Variants in CNTNAP2 observed in about 807,000 individuals in gnomAD.
The protein encoded by CNTNAP2 is contactin-associated protein-like 2.
A neutral mutation model predicts 155.2 loss-of-function variants in CNTNAP2; 98 were observed. The observed-to-expected ratio is 0.63, with a 90% CI of 0.54 to 0.75. CNTNAP2 has a LOEUF of 0.75. Among genes scored for constraint, CNTNAP2 ranks in the 30% least tolerant of loss-of-function variants. CNTNAP2 has a pLI of 0.00. For synonymous variants in CNTNAP2, 651 were observed against 631.2 expected (o/e 1.03, Z -0.47); for missense variants, 1,727 against 1,688.1 (o/e 1.02, Z -0.40).
At chr7:147,686,040 A>G (rs1168368580) in intron 13 of CNTNAP2, among the ~76,000 whole-genome samples, 1 of 152,008 alleles carries the variant, frequency 6.6e-6, no homozygotes, top group Non-Finnish European at 1.5e-5. Context: ...ATTTGAGCAG[A>G]GCAATGAAAT....
At chr7:147,971,569 C>T (rs1481096789) in intron 14 of CNTNAP2, among the ~76,000 whole-genome samples, 2 of 152,122 alleles carry the variant, frequency 1.3e-5, no homozygotes, top group Non-Finnish European at 2.9e-5. Context: ...GTGTGTCTGG[C>T]TTCTTTCACT....
At chr7:147,023,039 C>A (rs1330333264) in intron 3 of CNTNAP2, among the ~76,000 whole-genome samples, 1 of 152,022 alleles carries the variant, frequency 6.6e-6, no homozygotes, top group Non-Finnish European at 1.5e-5. Context: ...TTGTCATAGG[C>A]CTGCCTTTTG....
At chr7:146,144,631 G>A (rs1797931391) in intron 1 of CNTNAP2, among the ~76,000 whole-genome samples, 1 of 152,086 alleles carries the variant, frequency 6.6e-6, no homozygotes, top group African/African-American at 2.4e-5. Context: ...GTTATTCATT[G>A]ACATTTCAGG....
At chr7:146,783,407 AT>A (rs1355549437) in intron 2 of CNTNAP2, among the ~76,000 whole-genome samples, 4 of 152,298 alleles carry the variant, frequency 2.6e-5, no homozygotes, top group African/African-American at 9.6e-5. Flanking sequence ...GGTATTGTGA[AT>A]TTTAATGTAT....
intron 1 of CNTNAP2, among the ~76,000 whole-genome samples, chr7:146,552,639 T>C (rs1053994510): frequency 6.6e-6 from 1 of 152,062 alleles, no homozygotes; most frequent in Non-Finnish European, 1.5e-5. Flanking sequence ...CTAACGACTT[T>C]CCTTCTCTCT....
chr7:146,957,191 G>A (rs1584748027), intron 3 of CNTNAP2, among the ~76,000 whole-genome samples: 1 of 152,282 alleles, frequency 6.6e-6, no homozygotes, highest in East Asian at 1.9e-4. Context: ...AAAATTTTCA[G>A]CATGTTACTG....
At chr7:146,372,207 A>G (rs976269847) in intron 1 of CNTNAP2, among the ~76,000 whole-genome samples, 3 of 152,132 alleles carry the variant, frequency 2.0e-5, no homozygotes, top group African/African-American at 7.2e-5. Context: ...CCCTGGCCAT[A>G]TCTTTATCTT....
chr7:147,831,832 C>T (rs975082964), intron 13 of CNTNAP2: 1 of 152,104 alleles, frequency 6.6e-6, no homozygotes, highest in African/African-American at 2.4e-5. Context: ...AGCAAGGCCC[C>T]TGCACAAGAA....
chr7:147,072,042 T>C (rs966326827), intron 4 of CNTNAP2, among the ~76,000 whole-genome samples: 1 of 152,118 alleles, frequency 6.6e-6, no homozygotes, highest in Non-Finnish European at 1.5e-5. Flanking sequence ...AGGATGGTAG[T>C]GCTCTCAAGG....
chr7:147,769,779 A>G (rs1276176518), intron 13 of CNTNAP2, among the ~76,000 whole-genome samples: 1 of 152,178 alleles, frequency 6.6e-6, no homozygotes, highest in Non-Finnish European at 1.5e-5. Context: ...GCTATAAAAC[A>G]ATAGACTAAC....
chr7:146,483,283 ATATATATATATATATATATATATATATAT>A (rs1267559028), intron 1 of CNTNAP2, among the ~76,000 whole-genome samples: 12 of 62,718 alleles, frequency 1.9e-4, no homozygotes, highest in South Asian at 6.4e-4. Context: ...CTAAAAAAAA[ATATATATATATATATATATATATATATAT>A]ATATATATAT....
intron 17 of CNTNAP2, among the ~76,000 whole-genome samples, chr7:148,158,998 C>T (rs1416656860): frequency 6.6e-6 from 1 of 152,106 alleles, no homozygotes; most frequent in African/African-American, 2.4e-5. Context: ...ATAGTTCCTC[C>T]CACAGTACAC....
At chr7:147,797,221 A>T (rs1797911616) in intron 13 of CNTNAP2, among the ~76,000 whole-genome samples, 1 of 152,154 alleles carries the variant, frequency 6.6e-6, no homozygotes. Context: ...TTGTAAAAAA[A>T]ACTATCTGAG....
intron 13 of CNTNAP2, among the ~76,000 whole-genome samples, chr7:147,818,582 T>C (rs1015635537): frequency 6.6e-6 from 1 of 152,160 alleles, no homozygotes; most frequent in Non-Finnish European, 1.5e-5. Flanking sequence ...GACAGCAGAA[T>C]TATTTGGAAA....
chr7:147,637,217 G>A (rs767099756), intron 12 of CNTNAP2, among the ~76,000 whole-genome samples: 26 of 152,232 alleles, frequency 1.7e-4, no homozygotes, highest in Non-Finnish European at 2.8e-4. Flanking sequence ...CCTGACTCCC[G>A]TGTTGAGTGT....
chr7:147,431,272 AAC>A (rs1797461923), intron 10 of CNTNAP2, among the ~76,000 whole-genome samples: 1 of 152,148 alleles, frequency 6.6e-6, no homozygotes, highest in South Asian at 2.1e-4. Flanking sequence ...TTCCATGTAA[AAC>A]AATCAATAAA....
intron 9 of CNTNAP2, among the ~76,000 whole-genome samples, chr7:147,390,557 C>G (rs1228356687): frequency 6.6e-6 from 1 of 151,944 alleles, no homozygotes; most frequent in Non-Finnish European, 1.5e-5. Context: ...GGCTAGCAAG[C>G]TGCTGCTGGA....
chr7:147,936,943 T>C (rs1004155401), intron 14 of CNTNAP2, among the ~76,000 whole-genome samples: 1 of 152,164 alleles, frequency 6.6e-6, no homozygotes, highest in African/African-American at 2.4e-5. Context: ...TCAGTAATGT[T>C]GCACCCCATT....
intron 4 of CNTNAP2, among the ~76,000 whole-genome samples, chr7:147,107,515 C>G (rs1007064865): frequency 6.6e-5 from 10 of 152,048 alleles, no homozygotes; most frequent in African/African-American, 2.4e-4. Context: ...GTGCCCAATT[C>G]TCCATTCCAA....
Sources: allele counts gnomAD v4.1 joint callset (sites outside exome capture counted in the v4.1 genomes callset), GRCh38; gene constraint gnomAD v4.1.1; transcripts MANE v1.5; gene names NCBI Gene and HGNC (gene_info 2026-07-23, HGNC 2026-07-21).